Variants in ROR1 observed in about 807,000 individuals in gnomAD.
ROR1 encodes ROR family WNT receptor 1.
Under a neutral mutation model 78.8 loss-of-function variants are expected in ROR1, and 19 were observed. That is an observed-to-expected ratio of 0.24 (90% confidence interval 0.17 to 0.35). The LOEUF (loss-of-function observed/expected upper bound fraction) is 0.35. Ranked by LOEUF, ROR1 falls within the 10% of genes least tolerant of loss-of-function variation. The pLI is 1.00. For synonymous variants in ROR1, 386 were observed against 433.6 expected (o/e 0.89, Z 1.36); for missense variants, 917 against 1,177.8 (o/e 0.78, Z 3.24).
chr1:64,168,090 A>G (rs1180187834), intron 8 of ROR1, among the ~76,000 whole-genome samples: 1 of 152,240 alleles, frequency 6.6e-6, no homozygotes, highest in Non-Finnish European at 1.5e-5. Context: ...CAGTCGTAAT[A>G]TGAATCTCAC....
At chr1:64,166,481 T>C (rs1294167950) in intron 8 of ROR1, among the ~76,000 whole-genome samples, 2 of 152,258 alleles carry the variant, frequency 1.3e-5, no homozygotes, top group Non-Finnish European at 2.9e-5. Context: ...ATTCTTCCAA[T>C]CTATGAGCAT....
rs1553133293 is a variant in ROR1 at position 63,806,316 on chromosome 1, A to AAT, written c.91+31808_91+31809insAT. Among the ~76,000 whole-genome samples the AAT allele has an allele frequency of 2.3e-3, 197 of 87,246 alleles. 5 individuals carry two copies. The highest frequency in any genetic ancestry group is 7.4e-3 in the Middle Eastern group (1 of 136). 57.2% of individuals were successfully genotyped at this position (87,246 alleles called of 152,430 possible). A position where few individuals can be genotyped will look rare whatever the true frequency, so the allele number is the denominator to read the frequency against. The stretch of plus-strand genomic sequence containing the variant: ...TTAGCTTGTTTGTGACTGTCAGACT[A>AAT]TTTTTTTTTTTTTTTTTTTGAGATG... On this transcript the variant is annotated intron_variant, in intron 1 of 8. Transcript: ENST00000371079.
intron 4 of ROR1, among the ~76,000 whole-genome samples, chr1:64,127,955 C>A (rs1208555224): frequency 1.3e-5 from 2 of 152,152 alleles, no homozygotes; most frequent in South Asian, 2.1e-4. Context: ...CCTTTTGCAG[C>A]CTTTGGAGGA....
At chr1:63,912,749 G>A (rs2100418695) in intron 1 of ROR1, among the ~76,000 whole-genome samples, 1 of 152,204 alleles carries the variant, frequency 6.6e-6, no homozygotes, top group South Asian at 2.1e-4. Context: ...GAATGATACG[G>A]GCTGTTCTCA....
intron 1 of ROR1, among the ~76,000 whole-genome samples, chr1:63,798,664 C>A (rs1644777401): frequency 6.6e-6 from 1 of 152,184 alleles, no homozygotes; most frequent in African/African-American, 2.4e-5. Flanking sequence ...ACATAGTAAT[C>A]ACTTAACACA....
intron 2 of ROR1, among the ~76,000 whole-genome samples, chr1:64,027,931 C>T (rs560268104): frequency 7.2e-5 from 11 of 152,220 alleles, no homozygotes; most frequent in African/African-American, 2.6e-4. Flanking sequence ...CATGATCTTC[C>T]TGCCTCGGCC....
intron 1 of ROR1, among the ~76,000 whole-genome samples, chr1:63,878,226 A>C (rs904492614): frequency 1.3e-5 from 2 of 152,168 alleles, no homozygotes; most frequent in African/African-American, 4.8e-5. Flanking sequence ...AGGGAGGTGA[A>C]GGGCCTTACA....
At position 63,846,118 on chromosome 1, in the gene ROR1, A is replaced by ATG. The variant is rs71056009; in HGVS notation, c.91+71662_91+71663dup. Among the ~76,000 whole-genome samples the ATG allele has an allele frequency of 6.2e-3, 848 of 136,396 alleles. 4 individuals are homozygous for ATG. Among genetic ancestry groups the ATG allele is most frequent in the East Asian group, 0.024 (100 of 4,086 alleles). The allele number at this position is 136,396 out of a possible 152,430, so 89.5% of individuals were successfully genotyped here. ...TTTTTATTTGACAGAGAGAGAGAGA[A>ATG]TGTGTGTGTGTGTGTGTGTGTGTGT... On this transcript the variant is annotated intron_variant, in intron 1 of 8. Transcript: ENST00000371079.
At chr1:64,144,187 C>T (rs916956534) in intron 7 of ROR1, among the ~76,000 whole-genome samples, 7 of 152,142 alleles carry the variant, frequency 4.6e-5, no homozygotes, top group African/African-American at 1.4e-4. Flanking sequence ...ATGGAATTGC[C>T]TTTTGCTGAG....
At chr1:64,130,196 G>A (rs1426586797) in intron 4 of ROR1, among the ~76,000 whole-genome samples, 1 of 152,086 alleles carries the variant, frequency 6.6e-6, no homozygotes, top group African/African-American at 2.4e-5. Context: ...AAAAGAAAAA[G>A]GGATGTAAGG....
chr1:64,105,053 G>A (rs919334668), intron 4 of ROR1, among the ~76,000 whole-genome samples: 3 of 152,166 alleles, frequency 2.0e-5, no homozygotes, highest in Non-Finnish European at 2.9e-5. Flanking sequence ...TTCCACAATG[G>A]TTGAACTAAT....
chr1:63,963,854 G>A (rs1051309616), intron 1 of ROR1, among the ~76,000 whole-genome samples: 2 of 152,116 alleles, frequency 1.3e-5, no homozygotes, highest in African/African-American at 4.8e-5. Flanking sequence ...GAATGCAGAC[G>A]CACTGCCTGG....
chr1:64,085,611 A>T (rs1293495031), intron 4 of ROR1, among the ~76,000 whole-genome samples: 1 of 152,188 alleles, frequency 6.6e-6, no homozygotes, highest in African/African-American at 2.4e-5. Flanking sequence ...GTAAACCATA[A>T]AACATTTAGA....
chr1:63,923,669 C>T (rs989445417), intron 1 of ROR1, among the ~76,000 whole-genome samples: 1 of 151,304 alleles, frequency 6.6e-6, no homozygotes, highest in Non-Finnish European at 1.5e-5. Flanking sequence ...CTTGTACTCC[C>T]ACTTGACAGA....
intron 4 of ROR1, among the ~76,000 whole-genome samples, chr1:64,074,792 G>A (rs935580140): frequency 3.9e-5 from 6 of 152,154 alleles, no homozygotes; most frequent in Admixed American, 6.6e-5. Context: ...CCTTGGCTCC[G>A]CCACTTAATA....
chr1:63,922,654 G>A (rs1241665579), intron 1 of ROR1, among the ~76,000 whole-genome samples: 1 of 152,096 alleles, frequency 6.6e-6, no homozygotes, highest in African/African-American at 2.4e-5. Flanking sequence ...GAAGACAGCA[G>A]GCTTTTTCTT....
chr1:63,780,890 C>T (rs928610968), intron 1 of ROR1, among the ~76,000 whole-genome samples: 1 of 152,138 alleles, frequency 6.6e-6, no homozygotes, highest in African/African-American at 2.4e-5. Flanking sequence ...GTAATCTGAC[C>T]GTTTTTAGCT....
chr1:63,807,437 C>T (rs916894838), intron 1 of ROR1, among the ~76,000 whole-genome samples: 1 of 152,258 alleles, frequency 6.6e-6, no homozygotes. Context: ...CTCACATGTG[C>T]TGAGTTTGTG....
chr1:63,909,953 G>C (rs1471280607), intron 1 of ROR1, among the ~76,000 whole-genome samples: 4 of 152,182 alleles, frequency 2.6e-5, no homozygotes, highest in Non-Finnish European at 5.9e-5. Context: ...TCCTGGCCTG[G>C]AAGTGTGTGG....
Sources: gnomAD v4.1 joint callset for allele counts (sites outside exome capture counted in the v4.1 genomes callset) on GRCh38, gnomAD v4.1.1 for gene constraint, MANE v1.5 for transcripts, NCBI Gene and HGNC (gene_info 2026-07-23, HGNC 2026-07-21) for gene names.